The following TDRD12 variants were observed in gnomAD, a reference collection of about 807,000 sequenced individuals.
TDRD12 encodes the protein putative ATP-dependent RNA helicase TDRD12.
In TDRD12, 158 loss-of-function variants were observed where a neutral mutation model predicts 133.5. That is an observed-to-expected ratio of 1.18 (90% CI 1.04 to 1.35). The LOEUF is 1.35. Ranked by LOEUF, TDRD12 falls within the 40% of genes most tolerant of loss-of-function variation. The pLI is 0.00. For missense variants in TDRD12, 1,443 were observed against 1,321.3 expected (o/e 1.09, Z -1.43); for synonymous variants, 460 against 477.9 (o/e 0.96, Z 0.49).
In TDRD12 at chr19:32,731,697, T is replaced by C. The variant is rs1282289319; in HGVS notation, c.25-28T>C. Reference sequence around the variant, plus strand: ...GGTACTACTTTTAAATCATACGCTGTTCTGTTTGTCTTTTAAAAAATTTAC... The same window carrying C: ...GGTACTACTTTTAAATCATACGCTGCTCTGTTTGTCTTTTAAAAAATTTAC... On this transcript the variant is annotated intron_variant, in intron 1 of 27. Transcript: ENST00000444215. The C allele has an allele frequency of 2.0e-6, 3 of 1,521,594 alleles. No homozygotes were observed. The South Asian group carries it at 3.8e-5, about 19-fold the overall frequency. The allele number at this position is 1,521,594 out of a possible 1,614,324, so 94.3% of individuals were successfully genotyped here. A position where few individuals can be genotyped will look rare whatever the true frequency, so the allele number is the denominator to read the frequency against.
intron 1 of TDRD12, among the ~76,000 whole-genome samples, chr19:32,722,719 G>A (rs1044067151): frequency 7.4e-6 from 1 of 134,260 alleles, no homozygotes; most frequent in Non-Finnish European, 1.6e-5. Flanking sequence ...TCGCTCTGTT[G>A]CCCAGGCTGG....
At chr19:32,719,830 C>T (rs1260793608) in exon 1 of TDRD12, 1 of 578,544 alleles carries the variant, frequency 1.7e-6, no homozygotes. Flanking sequence ...GCAGGGATCC[C>T]GCAGCGAGGG....
chr19:32,749,698 A>G, intron 5 of TDRD12, 86 bp from the exon 6 acceptor site: 1 of 1,042,840 alleles, frequency 9.6e-7, no homozygotes, highest in South Asian at 1.5e-5. Context: ...AGTGGTTAGC[A>G]GAGGTTACTA....
At chr19:32,818,649 G>A (rs1021174039) in intron 27 of TDRD12, among the ~76,000 whole-genome samples, 7 of 152,168 alleles carry the variant, frequency 4.6e-5, no homozygotes, top group Non-Finnish European at 7.4e-5. Context: ...CACAGCCCTC[G>A]TGGCAGGGCC....
chr19:32,818,086 C>G lies in TDRD12; in HGVS notation c.3315-3C>G, dbSNP rs1430056855. The G allele has an allele frequency of 3.3e-5, 23 of 702,710 alleles. No individual in the cohort carries two copies. The Admixed American group carries it at 3.8e-4, about 12-fold the overall frequency. 43.5% of individuals were successfully genotyped at this position (702,710 alleles called of 1,614,324 possible). ...CAAATGAAGTCTGCTCTGCTTTCTC[C>G]AGGCCGAGGGTGACAGGGACCAGTC... On this transcript the variant is annotated splice_polypyrimidine_tract_variant and splice_region_variant and intron_variant, in intron 26 of 27. Coordinates refer to ENST00000444215, the Ensembl canonical transcript of TDRD12.
downstream of TDRD12, among the ~76,000 whole-genome samples, chr19:32,825,676 G>A (rs1255234910): frequency 4.6e-5 from 7 of 152,192 alleles, no homozygotes; most frequent in Non-Finnish European, 2.9e-5. The surrounding 1 kb of genome is among the most constrained non-coding windows in gnomAD (Gnocchi z 4.1). Flanking sequence ...GAGGTCAGGA[G>A]TCCGAGACCA....
exon 14 of TDRD12, chr19:32,794,697 G>A: frequency 1.4e-6 from 1 of 703,136 alleles, no homozygotes; most frequent in Non-Finnish European, 2.6e-6. Context: ...CATAGCGCGT[G>A]GCTGTGATGT....
chr19:32,769,028 C>G (rs1970373073), intron 8 of TDRD12, among the ~76,000 whole-genome samples: 1 of 152,132 alleles, frequency 6.6e-6, no homozygotes, highest in Non-Finnish European at 1.5e-5. Context: ...TAGGTGCAAG[C>G]CACTGTGCCT....
In TDRD12 at chr19:32,826,938, T is replaced by C. The variant is rs76685052; in HGVS notation, c.1050-226T>C. Among the ~76,000 whole-genome samples, 1,520 of 152,306 alleles carry C rather than the reference T, an allele frequency of 1.0e-2. 24 individuals carry two copies. The highest frequency in any genetic ancestry group is 0.035 in the African/African-American group (1,457 of 41,566). The stretch of plus-strand genomic sequence containing the variant: ...TTGAGTACTTTTCAACCCTTGGTGA[T>C]AAACACACCTTTTAATAACACACTA... On this transcript the variant is annotated intron_variant, in intron 9 of 9. Coordinates refer to the TDRD12 transcript ENST00000637289.
At chr19:32,755,503 A>G (rs1337288296) in intron 6 of TDRD12, among the ~76,000 whole-genome samples, 1 of 152,182 alleles carries the variant, frequency 6.6e-6, no homozygotes, top group East Asian at 1.9e-4. Flanking sequence ...AGACATTCAG[A>G]TTGTTTGCCC....
chr19:32,736,755 A>G (rs1467928303), intron 2 of TDRD12, among the ~76,000 whole-genome samples: 1 of 152,204 alleles, frequency 6.6e-6, no homozygotes, highest in Non-Finnish European at 1.5e-5. Flanking sequence ...GGACTGCTTT[A>G]TAAACCTGTG....
intron 11 of TDRD12, 98 bp from the exon 12 acceptor site, chr19:32,790,433 C>T: frequency 3.3e-6 from 4 of 1,212,128 alleles, no homozygotes; most frequent in Non-Finnish European, 3.5e-6. Context: ...TTGGGCTGTG[C>T]AGCCCCTGCT....
chr19:32,759,374 C>A (rs1013108157), intron 8 of TDRD12, among the ~76,000 whole-genome samples: 4 of 151,688 alleles, frequency 2.6e-5, no homozygotes, highest in African/African-American at 9.7e-5. Flanking sequence ...TAGGGGTAGA[C>A]TAGAAGGCCC....
chr19:32,798,300 A>T lies in TDRD12; in HGVS notation c.1631-8A>T, dbSNP rs1234566853. ...ATTGAAAATGTTCACTTTTTTTTTT[A>T]AATGCAGGTGATGTGATTGTTACGA... On this transcript the variant is annotated splice_polypyrimidine_tract_variant and splice_region_variant and intron_variant, in intron 15 of 27. Transcript: ENST00000444215. 1.0e-5 allele frequency: 15 copies of T among 1,507,476 alleles called. No individual in the cohort carries two copies. Among genetic ancestry groups the T allele is most frequent in the South Asian group, 3.7e-5 (3 of 82,054 alleles). The allele number at this position is 1,507,476 out of a possible 1,614,324, so 93.4% of individuals were successfully genotyped here.
At chr19:32,749,502 A>G (rs1486474334) in intron 5 of TDRD12, among the ~76,000 whole-genome samples, 1 of 152,108 alleles carries the variant, frequency 6.6e-6, no homozygotes, top group East Asian at 1.9e-4. Context: ...GCAGGGTAGA[A>G]TGGACCTCAG....
intron 25 of TDRD12, among the ~76,000 whole-genome samples, chr19:32,814,149 G>C (rs999688191): frequency 6.6e-6 from 1 of 152,200 alleles, no homozygotes; most frequent in Admixed American, 6.5e-5. Flanking sequence ...CAGGAGCAGT[G>C]CTGGGCACTG....
At chr19:32,795,694 T>A (rs1241472652) in intron 14 of TDRD12, among the ~76,000 whole-genome samples, 1 of 152,170 alleles carries the variant, frequency 6.6e-6, no homozygotes, top group African/African-American at 2.4e-5. Flanking sequence ...GCTGGGTAAT[T>A]TATAAAGAAG....
intron 16 of TDRD12, 104 bp from the exon 17 acceptor site, chr19:32,800,063 C>T (rs1971341769): frequency 6.9e-6 from 5 of 721,962 alleles, no homozygotes; most frequent in Admixed American, 6.5e-5. Flanking sequence ...AGACTTTCTC[C>T]ACTCTGAGAA....
intron 8 of TDRD12, among the ~76,000 whole-genome samples, chr19:32,761,811 G>A (rs1347284648): frequency 2.6e-5 from 4 of 151,766 alleles, no homozygotes; most frequent in African/African-American, 9.7e-5. Context: ...TGAGCCCCGC[G>A]AGTAGCTGGG....
Sources: allele counts gnomAD v4.1 joint callset (sites outside exome capture counted in the v4.1 genomes callset), GRCh38; gene constraint gnomAD v4.1.1; non-coding constraint Gnocchi (gnomAD v3.1); transcripts MANE v1.5; gene names NCBI Gene and HGNC (gene_info 2026-07-23, HGNC 2026-07-21).